The following ADK variants were observed in gnomAD, a reference collection of about 807,000 sequenced individuals.
ADK encodes the protein adenosine kinase.
In ADK, 24 loss-of-function variants were observed where a neutral mutation model predicts 44.7. The observed-to-expected ratio is 0.54, with a 90% CI of 0.39 to 0.76. The LOEUF (loss-of-function observed/expected upper bound fraction) is 0.76, where lower values mean the gene tolerates loss of function less well. ADK is among the 30% of genes least tolerant of loss of function. The pLI, the probability that ADK is intolerant of heterozygous loss-of-function variation, is 0.00. For missense variants in ADK, 321 were observed against 425.1 expected, an observed-to-expected ratio of 0.76 and a Z score of 2.15; for synonymous variants, 128 against 142.6, an observed-to-expected ratio of 0.90 and a Z score of 0.73.
chr10:74,267,012 C>T (rs1656899975), intron 3 of ADK, among the ~76,000 whole-genome samples: 1 of 152,102 alleles, frequency 6.6e-6, no homozygotes, highest in South Asian at 2.1e-4. Flanking sequence ...GTGTACAGAG[C>T]ATGTACACAT....
At chr10:74,466,050 A>G (rs7068789) in intron 6 of ADK, among the ~76,000 whole-genome samples, 91,488 of 151,958 alleles carry the variant, frequency 0.6, 30,068 homozygotes, top group Middle Eastern at 0.77. Flanking sequence ...AAAAAGGAAC[A>G]TATACTGTAT....
chr10:74,364,689 T>G (rs1235467822), intron 4 of ADK, among the ~76,000 whole-genome samples: 8 of 5,264 alleles, frequency 1.5e-3, no homozygotes, highest in Non-Finnish European at 3.3e-3. Flanking sequence ...AAGGCTATGG[T>G]GTGTGTGTGT....
At chr10:74,260,681 T>A (rs1215279323) in intron 3 of ADK, among the ~76,000 whole-genome samples, 1 of 152,262 alleles carries the variant, frequency 6.6e-6, no homozygotes, top group Non-Finnish European at 1.5e-5. Context: ...AAATTGGTTA[T>A]TTTTAAACTT....
chr10:74,637,849 A>G (rs890700490), intron 9 of ADK, among the ~76,000 whole-genome samples: 5 of 152,210 alleles, frequency 3.3e-5, no homozygotes, highest in Non-Finnish European at 5.9e-5. Flanking sequence ...ACACATGAAG[A>G]AACTTTTAGA....
chr10:74,423,924 G>T, intron 6 of ADK: 1 of 216,824 alleles, frequency 4.6e-6, no homozygotes, highest in Non-Finnish European at 9.6e-6. Context: ...CCTTGACAAA[G>T]TGGAGGACAA....
At chr10:74,547,773 C>G (rs1396242643) in intron 7 of ADK, among the ~76,000 whole-genome samples, 1 of 152,190 alleles carries the variant, frequency 6.6e-6, no homozygotes, top group Non-Finnish European at 1.5e-5. Flanking sequence ...ATTCTCCTGC[C>G]TCAGCCTCCC....
intron 8 of ADK, among the ~76,000 whole-genome samples, chr10:74,595,305 T>C (rs1012108214): frequency 1.7e-4 from 25 of 149,740 alleles, no homozygotes; most frequent in Non-Finnish European, 2.4e-4. Flanking sequence ...CAGCTTTCTC[T>C]CACACATTCT....
At chr10:74,639,313 C>T (rs1396443058) in intron 9 of ADK, among the ~76,000 whole-genome samples, 1 of 152,118 alleles carries the variant, frequency 6.6e-6, no homozygotes, top group Non-Finnish European at 1.5e-5. Flanking sequence ...TCCTTTTATA[C>T]AGCAATTTCA....
intron 6 of ADK, among the ~76,000 whole-genome samples, chr10:74,477,064 T>A (rs1006749316): frequency 1.3e-5 from 2 of 152,208 alleles, no homozygotes; most frequent in Non-Finnish European, 2.9e-5. Context: ...GAGGATTTTT[T>A]AATTTGTTTC....
chr10:74,198,642 C>T (rs1843250249), intron 1 of ADK, among the ~76,000 whole-genome samples: 1 of 152,126 alleles, frequency 6.6e-6, no homozygotes, highest in Admixed American at 6.6e-5. Context: ...TTTGGATAAA[C>T]TAGATGAATG....
Position 74,520,461 on chromosome 10 carries a change from C to CACACAT in ADK, c.556-4780_556-4775dup, listed in dbSNP as rs547788878. On this transcript the variant is annotated intron_variant, in intron 6 of 10. Transcript: ENST00000539909. ...ACTGAAATTTACATAGTTGTGTATGCACACATACACATACACATACCCCTA... is the reference window on the plus strand; with the variant it reads ...ACTGAAATTTACATAGTTGTGTATGCACACATACACATACACATACACATACCCCTA... 5.2e-4 allele frequency among the ~76,000 whole-genome samples: 79 copies of CACACAT among 151,694 alleles called. 1 individual carries two copies. The South Asian group carries it at 9.0e-3, about 17-fold the overall frequency.
intron 3 of ADK, among the ~76,000 whole-genome samples, chr10:74,237,406 A>G (rs564454352): frequency 9.9e-5 from 15 of 152,260 alleles, no homozygotes; most frequent in African/African-American, 3.6e-4. Context: ...TTCTCTTGCT[A>G]TTTCTACCAC....
At chr10:74,445,122 A>G (rs1353895916) in intron 6 of ADK, among the ~76,000 whole-genome samples, 1 of 152,026 alleles carries the variant, frequency 6.6e-6, no homozygotes. Context: ...ATTTTTACAT[A>G]CTTGCCCAGA....
At chr10:74,404,299 AATAT>A (rs980323465) in intron 6 of ADK, among the ~76,000 whole-genome samples, 1 of 152,024 alleles carries the variant, frequency 6.6e-6, no homozygotes, top group African/African-American at 2.4e-5. Flanking sequence ...TAAATTGTCA[AATAT>A]ATATTTTAAA....
At chr10:74,593,724 C>G (rs1392404469) in intron 8 of ADK, among the ~76,000 whole-genome samples, 1 of 152,092 alleles carries the variant, frequency 6.6e-6, no homozygotes, top group Non-Finnish European at 1.5e-5. Flanking sequence ...CTAGATGACT[C>G]AATGTGTGGA....
At chr10:74,425,141 C>G (rs1844746388) in intron 6 of ADK, among the ~76,000 whole-genome samples, 3 of 152,104 alleles carry the variant, frequency 2.0e-5, no homozygotes, top group Non-Finnish European at 4.4e-5. Context: ...TGCCAAAAGC[C>G]TGGGGATACT....
At chr10:74,247,788 G>A (rs1283251362) in intron 3 of ADK, among the ~76,000 whole-genome samples, 3 of 151,998 alleles carry the variant, frequency 2.0e-5, no homozygotes, top group Non-Finnish European at 4.4e-5. Context: ...AAAGAAATAG[G>A]TTCTTGTGTT....
intron 4 of ADK, among the ~76,000 whole-genome samples, chr10:74,389,530 T>G (rs1843266063): frequency 6.6e-6 from 1 of 152,124 alleles, no homozygotes; most frequent in African/African-American, 2.4e-5. Context: ...AATTATAACA[T>G]CTTTACTGAG....
chr10:74,293,991 C>T (rs1839722993), intron 3 of ADK, among the ~76,000 whole-genome samples: 1 of 152,188 alleles, frequency 6.6e-6, no homozygotes, highest in African/African-American at 2.4e-5. Flanking sequence ...TGGAGATTAC[C>T]TTTGCTGTTT....
Sources: gnomAD v4.1 joint callset for allele counts (sites outside exome capture counted in the v4.1 genomes callset) on GRCh38, gnomAD v4.1.1 for gene constraint, MANE v1.5 for transcripts, NCBI Gene and HGNC (gene_info 2026-07-23, HGNC 2026-07-21) for gene names.